The following RUNX1 variants were observed in gnomAD, a reference collection of about 807,000 sequenced individuals.
RUNX1 encodes the protein runt-related transcription factor 1.
A neutral mutation model predicts 42.8 loss-of-function variants in RUNX1; 19 were observed. That is an observed-to-expected ratio of 0.44 (90% CI 0.31 to 0.65). The LOEUF (loss-of-function observed/expected upper bound fraction) is 0.65. Among genes scored for constraint, RUNX1 ranks in the 30% least tolerant of loss-of-function variants. The pLI is 0.07. For missense variants in RUNX1, 528 were observed against 672.0 expected, an observed-to-expected ratio of 0.79 and a Z score of 2.37; for synonymous variants, 271 against 289.4, an observed-to-expected ratio of 0.94 and a Z score of 0.64.
At chr21:34,859,315 C>T (rs749592463) in intron 6 of RUNX1, 159 bp downstream of exon 6, 8 of 656,756 alleles carry the variant, frequency 1.2e-5, no homozygotes, top group African/African-American at 5.4e-5. Context: ...CTTTGAGTAG[C>T]GAGAGTATTG....
intron 2 of RUNX1, among the ~76,000 whole-genome samples, chr21:34,976,819 T>C (rs1269974955): frequency 6.6e-6 from 1 of 152,162 alleles, no homozygotes; most frequent in Admixed American, 6.5e-5. Flanking sequence ...TCTGCCTTTA[T>C]TTTTTGCTAC....
chr21:34,900,724 T>C (rs1323358802), intron 2 of RUNX1, among the ~76,000 whole-genome samples: 3 of 152,192 alleles, frequency 2.0e-5, no homozygotes, highest in Non-Finnish European at 2.9e-5. Flanking sequence ...AGTGCTTTGG[T>C]TTCCTTGAGC....
intron 8 of RUNX1, among the ~76,000 whole-genome samples, chr21:34,796,399 T>C (rs75062971): frequency 1.2e-3 from 177 of 152,338 alleles, no homozygotes; most frequent in African/African-American, 4.0e-3. Context: ...AGATCCCTTA[T>C]TCAAACCCAT....
Position 34,969,765 on chromosome 21 carries a change from C to CAAAAAAA in RUNX1, c.59-76809_59-76803dup, listed in dbSNP as rs150978735. On this transcript the variant is annotated intron_variant, in intron 2 of 8. Transcript: ENST00000675419. ...ATTTACAGCGCTTTATCAGTTAAAG[C>CAAAAAAA]AAAAAAAAAACAAAGGCCAGGCAGA... 2.7e-3 allele frequency among the ~76,000 whole-genome samples: 340 copies of CAAAAAAA among 124,620 alleles called. 3 individuals are homozygous for CAAAAAAA. The highest frequency in any genetic ancestry group is 1.0e-2 in the African/African-American group (327 of 32,740). The allele number at this position is 124,620 out of a possible 152,430, so 81.8% of individuals were successfully genotyped here.
chr21:34,921,034 T>C (rs2058349934), intron 2 of RUNX1, among the ~76,000 whole-genome samples: 1 of 152,128 alleles, frequency 6.6e-6, no homozygotes, highest in Non-Finnish European at 1.5e-5. Context: ...AATTTTGGTA[T>C]TTTTAGTAGA....
At position 34,791,917 on chromosome 21, in the gene RUNX1, CG is replaced by C; in HGVS notation, c.*217del. 6.5e-6 allele frequency: 2 copies of C among 309,452 alleles called. No individual in the cohort carries two copies. Among genetic ancestry groups the C allele is most frequent in the Non-Finnish European group, 1.2e-5 (2 of 163,520 alleles). The allele number at this position is 309,452 out of a possible 1,614,324, so 19.2% of individuals were successfully genotyped here. On this transcript the variant is annotated 3_prime_UTR_variant, in exon 9 of 9. Coordinates refer to ENST00000675419, the MANE Select transcript of RUNX1 (RefSeq NM_001754.5). ...TCGCCTCGGACACCTCCGCGAGGGC[CG>C]GGGCGCCAGCAGACGGCGGCGGCGT...
intron 8 of RUNX1, among the ~76,000 whole-genome samples, chr21:34,795,992 G>A (rs374479770): frequency 5.8e-4 from 88 of 152,282 alleles, no homozygotes; most frequent in African/African-American, 2.0e-3. Flanking sequence ...GAAAATGAAC[G>A]AAAGGTCACC....
At chr21:34,962,484 C>A (rs903903428) in intron 2 of RUNX1, among the ~76,000 whole-genome samples, 2 of 152,194 alleles carry the variant, frequency 1.3e-5, no homozygotes, top group East Asian at 1.9e-4. Context: ...AGTAAAGGAA[C>A]GACTTATAAA....
intron 7 of RUNX1, among the ~76,000 whole-genome samples, chr21:34,823,136 C>G: frequency 6.6e-6 from 1 of 152,298 alleles, no homozygotes; most frequent in East Asian, 1.9e-4. Flanking sequence ...GAGACTTAAC[C>G]GTCCCAGACG....
intron 4 of RUNX1, among the ~76,000 whole-genome samples, chr21:34,885,137 G>C (rs1279162559): frequency 6.6e-6 from 1 of 152,096 alleles, no homozygotes; most frequent in Non-Finnish European, 1.5e-5. Flanking sequence ...CCTGGCAGAG[G>C]AGGGAGTTCA....
intron 2 of RUNX1, among the ~76,000 whole-genome samples, chr21:34,957,637 C>T (rs1383699669): frequency 6.6e-6 from 1 of 152,074 alleles, no homozygotes; most frequent in Non-Finnish European, 1.5e-5. Flanking sequence ...ACCTCTGGGC[C>T]GTTCAGATAT....
At chr21:34,964,715 G>A (rs906874278) in intron 2 of RUNX1, among the ~76,000 whole-genome samples, 1 of 152,184 alleles carries the variant, frequency 6.6e-6, no homozygotes, top group Non-Finnish European at 1.5e-5. Context: ...GATGGTTTCT[G>A]ATCCAGTGTC....
intron 2 of RUNX1, among the ~76,000 whole-genome samples, chr21:34,994,756 T>C (rs546316571): frequency 1.3e-5 from 2 of 152,266 alleles, no homozygotes; most frequent in East Asian, 1.9e-4. Context: ...TTTGGTATGT[T>C]AGACTCATAC....
intron 7 of RUNX1, among the ~76,000 whole-genome samples, chr21:34,829,123 A>G (rs762442198): frequency 7.2e-5 from 11 of 152,188 alleles, no homozygotes; most frequent in Non-Finnish European, 1.3e-4. Flanking sequence ...AATGTGGTAG[A>G]AACTAAGGTA....
chr21:34,888,684 C>A (rs2058034586), intron 3 of RUNX1: 2 of 1,041,942 alleles, frequency 1.9e-6, no homozygotes, highest in Admixed American at 1.1e-4. Context: ...CGCCCGCTGG[C>A]TCTATGAATG....
At chr21:34,824,808 T>A (rs1007714133) in intron 7 of RUNX1, among the ~76,000 whole-genome samples, 1 of 152,200 alleles carries the variant, frequency 6.6e-6, no homozygotes, top group Non-Finnish European at 1.5e-5. Context: ...CTAAAATAAC[T>A]GAATTCGAGT....
At chr21:34,984,468 G>A (rs1035788283) in intron 2 of RUNX1, among the ~76,000 whole-genome samples, 11 of 152,180 alleles carry the variant, frequency 7.2e-5, no homozygotes, top group African/African-American at 2.4e-4. Context: ...ATCTGTGGGG[G>A]AGGCCACTGC....
intron 2 of RUNX1, among the ~76,000 whole-genome samples, chr21:34,976,458 T>C (rs748207081): frequency 6.6e-6 from 1 of 152,222 alleles, no homozygotes; most frequent in African/African-American, 2.4e-5. Context: ...CAAGTCATTA[T>C]AATTGTAAGA....
At chr21:35,005,411 C>T (rs932904555) in intron 2 of RUNX1, among the ~76,000 whole-genome samples, 14 of 152,156 alleles carry the variant, frequency 9.2e-5, no homozygotes, top group Non-Finnish European at 2.1e-4. Flanking sequence ...GGAGTCAGAT[C>T]AGACCAATGG....
Sources: allele counts gnomAD v4.1 joint callset (sites outside exome capture counted in the v4.1 genomes callset), GRCh38; gene constraint gnomAD v4.1.1; transcripts MANE v1.5; gene names NCBI Gene and HGNC (gene_info 2026-07-23, HGNC 2026-07-21).